The following CSGALNACT1 variants were observed in gnomAD, a reference collection of about 807,000 sequenced individuals.
The protein encoded by CSGALNACT1 is beta4GalNAcT-1.
In CSGALNACT1, 52 loss-of-function variants were observed where a neutral mutation model predicts 51.0. That is an observed-to-expected ratio of 1.02 (90% CI 0.82 to 1.29). The LOEUF (loss-of-function observed/expected upper bound fraction) is 1.29, where lower values mean the gene tolerates loss of function less well. Among genes scored for constraint, CSGALNACT1 ranks in the 50% most tolerant of loss-of-function variants. CSGALNACT1 has a pLI of 0.00. For synonymous variants in CSGALNACT1, 341 were observed against 254.4 expected, an observed-to-expected ratio of 1.34 and a Z score of -3.24; for missense variants, 935 against 679.2, an observed-to-expected ratio of 1.38 and a Z score of -4.19.
intron 3 of CSGALNACT1, among the ~76,000 whole-genome samples, chr8:19,544,875 A>G (rs1483097553): frequency 6.6e-6 from 1 of 152,210 alleles, no homozygotes; most frequent in Non-Finnish European, 1.5e-5. Flanking sequence ...GTTCCCCAAG[A>G]AGACAACAAA....
intron 9 of CSGALNACT1, among the ~76,000 whole-genome samples, chr8:19,406,820 T>G (rs1585282693): frequency 6.6e-6 from 1 of 152,110 alleles, no homozygotes; most frequent in Admixed American, 6.5e-5. Flanking sequence ...GTGATTCTCC[T>G]GCCTCAGCCT....
At chr8:19,449,891 C>T (rs981680313) in intron 5 of CSGALNACT1, among the ~76,000 whole-genome samples, 2 of 151,196 alleles carry the variant, frequency 1.3e-5, no homozygotes, top group South Asian at 4.2e-4. Flanking sequence ...GAGATAAAGA[C>T]CAAAGAAAAT....
chr8:19,535,174 C>G (rs1408372385), intron 3 of CSGALNACT1, among the ~76,000 whole-genome samples: 3 of 151,962 alleles, frequency 2.0e-5, no homozygotes, highest in African/African-American at 7.3e-5. Context: ...GTGCCTGCTA[C>G]TGACATATAA....
In CSGALNACT1 at chr8:19,631,261, GA is replaced by G. The variant is rs748955489; in HGVS notation, c.-543-29397del. On this transcript the variant is annotated intron_variant, in intron 1 of 9. Transcript: ENST00000332246. ...TATGCTAAGACTATGTTTAGCTTTG[GA>G]AAAAAAAAACTGCCAAACTGTCTTC... 2.7e-3 allele frequency among the ~76,000 whole-genome samples: 398 copies of G among 148,000 alleles called. 2 individuals are homozygous for G. Among genetic ancestry groups the G allele is most frequent in the Non-Finnish European group, 4.4e-3 (290 of 66,648 alleles).
At chr8:19,655,426 T>A (rs185024443) in intron 1 of CSGALNACT1, among the ~76,000 whole-genome samples, 1 of 152,144 alleles carries the variant, frequency 6.6e-6, no homozygotes, top group Non-Finnish European at 1.5e-5. Context: ...AGTGGCACTA[T>A]CATGGCTCAC....
rs116781369 is a variant in CSGALNACT1, at chr8:19,679,048, T to G, written c.-544+3425A>C. 3.2e-3 allele frequency among the ~76,000 whole-genome samples: 487 copies of G among 152,332 alleles called. 8 individuals carry two copies. The highest frequency in any genetic ancestry group is 0.011 in the African/African-American group (454 of 41,566). On this transcript the variant is annotated intron_variant, in intron 1 of 9. Transcript: ENST00000332246. ...TAAGGAAACAGTCTTACAAACGTTA[T>G]GCAATCAATAGTGTAGAAAAATTTC... is the stretch of plus-strand genomic sequence containing the variant.
intron 5 of CSGALNACT1, among the ~76,000 whole-genome samples, chr8:19,442,492 T>C (rs1231469287): frequency 6.7e-6 from 1 of 149,884 alleles, no homozygotes; most frequent in African/African-American, 2.5e-5. Context: ...ACACTGCATG[T>C]TCTCACTCAT....
intron 4 of CSGALNACT1, among the ~76,000 whole-genome samples, chr8:19,469,919 G>T (rs1292179897): frequency 6.6e-6 from 1 of 152,166 alleles, no homozygotes; most frequent in Admixed American, 6.5e-5. Context: ...TTCACAGAAG[G>T]AGAAAGGGAG....
exon 4 of CSGALNACT1, chr8:19,505,361 C>A (rs765126003): frequency 2.7e-5 from 43 of 1,614,108 alleles, no homozygotes; most frequent in Non-Finnish European, 3.6e-5. Context: ...CAGTCTCCAG[C>A]TGGTACACCT....
intron 1 of CSGALNACT1, among the ~76,000 whole-genome samples, chr8:19,659,202 A>G (rs1450966770): frequency 6.6e-6 from 1 of 152,232 alleles, no homozygotes; most frequent in Non-Finnish European, 1.5e-5. Flanking sequence ...ACATAAGCTC[A>G]GTATACGTAG....
exon 4 of CSGALNACT1, chr8:19,506,062 A>C: frequency 1.5e-6 from 1 of 688,710 alleles, no homozygotes; most frequent in South Asian, 1.5e-5. Flanking sequence ...GACTGAAGTG[A>C]AATCTCCAAG....
chr8:19,472,369 G>C (rs2068397607), intron 4 of CSGALNACT1, among the ~76,000 whole-genome samples: 1 of 152,168 alleles, frequency 6.6e-6, no homozygotes, highest in African/African-American at 2.4e-5. Context: ...TATTGTCTTT[G>C]GCCAACCATT....
chr8:19,691,042 C>T (rs1035352191), intron 1 of CSGALNACT1, among the ~76,000 whole-genome samples: 1 of 152,244 alleles, frequency 6.6e-6, no homozygotes, highest in East Asian at 1.9e-4. Flanking sequence ...CAGTGAGTGG[C>T]AATTGCACCA....
At chr8:19,731,415 C>T (rs963398264) in intron 1 of CSGALNACT1, among the ~76,000 whole-genome samples, 1 of 152,086 alleles carries the variant, frequency 6.6e-6, no homozygotes, top group Non-Finnish European at 1.5e-5. Context: ...GGCTAAGGCA[C>T]GAGACTCCCT....
rs1460812529 is a variant in CSGALNACT1, at chr8:19,666,990, A to AG, written c.-544+15482dup. Among the ~76,000 whole-genome samples, 30 of 20,298 alleles carry AG rather than the reference A, an allele frequency of 1.5e-3. 1 individual carries two copies. The highest frequency in any genetic ancestry group is 2.1e-3 in the African/African-American group (6 of 2,792). 13.3% of individuals were successfully genotyped at this position (20,298 alleles called of 152,430 possible). ...AAGAAAGAAAGAAAGAAAGAAAGAA[A>AG]GAAAGAAAGAAAGAAAGAAAGAAAG... On this transcript the variant is annotated intron_variant, in intron 1 of 9. Transcript: ENST00000332246.
intron 1 of CSGALNACT1, among the ~76,000 whole-genome samples, chr8:19,677,796 T>C (rs1471527710): frequency 3.3e-5 from 5 of 151,974 alleles, no homozygotes; most frequent in Non-Finnish European, 5.9e-5. Context: ...ACTAGGGAAA[T>C]AGGTAAAGCA....
chr8:19,573,256 C>G (rs1588528634), intron 3 of CSGALNACT1, among the ~76,000 whole-genome samples: 1 of 152,170 alleles, frequency 6.6e-6, no homozygotes, highest in Non-Finnish European at 1.5e-5. Flanking sequence ...GTCATAGCAA[C>G]CAGAATGTTG....
At chr8:19,720,969 G>A (rs1411339840) in intron 1 of CSGALNACT1, among the ~76,000 whole-genome samples, 2 of 152,192 alleles carry the variant, frequency 1.3e-5, no homozygotes, top group African/African-American at 2.4e-5. Context: ...GAGCTGCACA[G>A]CCAGGACAGA....
At chr8:19,530,193 C>T (rs1406173715) in intron 3 of CSGALNACT1, among the ~76,000 whole-genome samples, 1 of 151,958 alleles carries the variant, frequency 6.6e-6, no homozygotes, top group East Asian at 1.9e-4. Flanking sequence ...TGCACTCCAG[C>T]CTGGGCAACA....
Sources: allele counts gnomAD v4.1 joint callset (sites outside exome capture counted in the v4.1 genomes callset), GRCh38; gene constraint gnomAD v4.1.1; transcripts MANE v1.5; gene names NCBI Gene and HGNC (gene_info 2026-07-23, HGNC 2026-07-21).